The following CDH12 variants were observed in gnomAD, a reference collection of about 807,000 sequenced individuals.
CDH12 encodes the protein cadherin 12, also known as cadherin-12.
Under a neutral mutation model 74.1 loss-of-function variants are expected in CDH12, and 41 were observed. That is an observed-to-expected ratio of 0.55 (90% confidence interval 0.43 to 0.72). CDH12 has a LOEUF of 0.72. CDH12 is among the 30% of genes least tolerant of loss of function. The pLI, the probability that CDH12 is intolerant of heterozygous loss-of-function variation, is 0.00. For missense variants in CDH12, 945 were observed against 977.2 expected (o/e 0.97, Z 0.44); for synonymous variants, 399 against 355.0 (o/e 1.12, Z -1.39).
At chr5:22,732,724 C>T (rs1329605541) in intron 1 of CDH12, among the ~76,000 whole-genome samples, 3 of 151,718 alleles carry the variant, frequency 2.0e-5, no homozygotes, top group African/African-American at 7.3e-5. Context: ...CAAGGAATGC[C>T]AGCTTGCCAG....
At chr5:22,165,828 C>T (rs1054716876) in intron 4 of CDH12, among the ~76,000 whole-genome samples, 1 of 152,188 alleles carries the variant, frequency 6.6e-6, no homozygotes, top group African/African-American at 2.4e-5. Flanking sequence ...GTCCTCACTG[C>T]TACACTTCCA....
chr5:22,333,489 A>C (rs1009620193), intron 3 of CDH12, among the ~76,000 whole-genome samples: 36 of 152,136 alleles, frequency 2.4e-4, no homozygotes, highest in Admixed American at 2.3e-3. Flanking sequence ...AAATTGTTTA[A>C]AAAAGTCTCC....
intron 4 of CDH12, among the ~76,000 whole-genome samples, chr5:22,090,115 C>T (rs1312485722): frequency 6.6e-6 from 1 of 151,714 alleles, no homozygotes; most frequent in Non-Finnish European, 1.5e-5. Flanking sequence ...CCAAATTGTT[C>T]CTTTGAAAGG....
chr5:21,797,212 T>A (rs1489973688), intron 10 of CDH12, among the ~76,000 whole-genome samples: 4 of 151,348 alleles, frequency 2.6e-5, no homozygotes, highest in African/African-American at 4.9e-5. Context: ...ATGATGATGA[T>A]GAAGATGATG....
chr5:22,375,154 A>T lies in CDH12; in HGVS notation c.-333+30103T>A, dbSNP rs1469506757. 2.0e-5 allele frequency among the ~76,000 whole-genome samples: 3 copies of T among 152,248 alleles called. No individual in the cohort carries two copies. In the East Asian group the frequency reaches 5.8e-4, roughly 29 times the overall value. ...AGTCCAGAAATAGATCCAAGTATTT[A>T]CGTCCAACTGATTTTTGACAAATAT... On this transcript the variant is annotated intron_variant, in intron 3 of 14. Transcript: ENST00000382254.
chr5:22,327,642 G>C (rs541345025), intron 3 of CDH12, among the ~76,000 whole-genome samples: 21 of 152,232 alleles, frequency 1.4e-4, no homozygotes, highest in African/African-American at 3.6e-4. Context: ...GAAATAAATA[G>C]ACATTATTAC....
At chr5:22,827,235 T>C (rs1156643206) in intron 1 of CDH12, among the ~76,000 whole-genome samples, 1 of 152,122 alleles carries the variant, frequency 6.6e-6, no homozygotes, top group Non-Finnish European at 1.5e-5. Context: ...TTCCATGTGG[T>C]GTTGAGCCTG....
At chr5:21,996,202 T>A (rs7723382) in intron 5 of CDH12, among the ~76,000 whole-genome samples, 27,674 of 150,758 alleles carry the variant, frequency 0.18, 3,032 homozygotes, top group African/African-American at 0.31. Context: ...ATTCTTGAGC[T>A]GGCCATTCTA....
intron 1 of CDH12, among the ~76,000 whole-genome samples, chr5:22,555,230 A>C (rs1185743057): frequency 6.6e-6 from 1 of 152,072 alleles, no homozygotes; most frequent in Non-Finnish European, 1.5e-5. Flanking sequence ...TAATATAAAC[A>C]AAAAATTGTA....
At chr5:22,781,833 G>A (rs1226990729) in intron 1 of CDH12, among the ~76,000 whole-genome samples, 1 of 152,174 alleles carries the variant, frequency 6.6e-6, no homozygotes, top group African/African-American at 2.4e-5. Context: ...AAAATTGTTA[G>A]AAAAGAAATT....
At chr5:21,891,570 CAT>C (rs1445237984) in intron 6 of CDH12, among the ~76,000 whole-genome samples, 2 of 133,834 alleles carry the variant, frequency 1.5e-5, no homozygotes, top group Admixed American at 1.6e-4. Context: ...TACACACACA[CAT>C]ACACACACAC....
chr5:22,187,809 A>C (rs1750048658), intron 4 of CDH12, among the ~76,000 whole-genome samples: 2 of 152,110 alleles, frequency 1.3e-5, no homozygotes, highest in African/African-American at 2.4e-5. Context: ...AACCCACTTG[A>C]ATTGGTAAGT....
chr5:22,103,671 G>A (rs1744273465), intron 4 of CDH12, among the ~76,000 whole-genome samples: 1 of 152,174 alleles, frequency 6.6e-6, no homozygotes, highest in East Asian at 1.9e-4. Context: ...AGAAATGTGT[G>A]TAATTCTAGG....
intron 1 of CDH12, among the ~76,000 whole-genome samples, chr5:22,697,737 A>G (rs1742454938): frequency 6.6e-6 from 1 of 152,114 alleles, no homozygotes. Context: ...GCCCAAATCC[A>G]TTGTGAATTT....
chr5:22,153,889 A>ATATAT (rs1561168560), intron 4 of CDH12, among the ~76,000 whole-genome samples: 4 of 42,058 alleles, frequency 9.5e-5, no homozygotes, highest in Non-Finnish European at 2.1e-4. Flanking sequence ...TATATATATA[A>ATATAT]ATATATATAT....
intron 5 of CDH12, among the ~76,000 whole-genome samples, chr5:22,042,001 A>G (rs1739606701): frequency 6.6e-6 from 1 of 152,204 alleles, no homozygotes; most frequent in Admixed American, 6.5e-5. Context: ...ATGACAGGAG[A>G]AACTTCAGAA....
intron 10 of CDH12, among the ~76,000 whole-genome samples, chr5:21,784,555 A>G (rs943500987): frequency 6.6e-6 from 1 of 152,186 alleles, no homozygotes; most frequent in African/African-American, 2.4e-5. Context: ...AATTTTAAAT[A>G]TAACATTTTA....
At chr5:22,528,764 T>C (rs1471936535) in intron 1 of CDH12, among the ~76,000 whole-genome samples, 1 of 152,216 alleles carries the variant, frequency 6.6e-6, no homozygotes, top group African/African-American at 2.4e-5. Context: ...TTACAAGTGG[T>C]TGATTAGGAG....
chr5:22,743,550 A>G (rs1745142517), intron 1 of CDH12, among the ~76,000 whole-genome samples: 2 of 151,974 alleles, frequency 1.3e-5, no homozygotes, highest in South Asian at 4.1e-4. Context: ...CATTTGTAAG[A>G]CTGTCTGTAC....
Sources: gnomAD v4.1 joint callset for allele counts (sites outside exome capture counted in the v4.1 genomes callset) on GRCh38, gnomAD v4.1.1 for gene constraint, MANE v1.5 for transcripts, NCBI Gene and HGNC (gene_info 2026-07-23, HGNC 2026-07-21) for gene names.